The following RARRES1 variants were observed in gnomAD, a reference collection of about 807,000 sequenced individuals.
The protein encoded by RARRES1 is retinoic acid receptor responder protein 1.
Under a neutral mutation model 30.6 loss-of-function variants are expected in RARRES1, and 34 were observed. That is an observed-to-expected ratio of 1.11 (90% CI 0.84 to 1.48). RARRES1 has a LOEUF of 1.48. Ranked by LOEUF, RARRES1 falls within the 40% of genes most tolerant of loss-of-function variation. The probability of loss-of-function intolerance (pLI) is 0.00; values close to 1 mark genes in which losing one functional copy is unlikely to be tolerated. For missense variants in RARRES1, 373 were observed against 386.5 expected (o/e 0.97, Z 0.29); for synonymous variants, 153 against 155.5 (o/e 0.98, Z 0.12).
Position 158,715,622 on chromosome 3 carries a change from G to C in RARRES1, c.277-1763C>G, listed in dbSNP as rs138219959. On this transcript the variant is annotated intron_variant, in intron 1 of 5. Transcript: ENST00000237696. ...TGCCTGGGTCAGCATAAAATTCAAT[G>C]TCTGTTTACTATTTTTATTATTACT... is the stretch of plus-strand genomic sequence containing the variant. Among the ~76,000 whole-genome samples the C allele has an allele frequency of 4.9e-3, 744 of 152,266 alleles. 2 individuals carry two copies. Among genetic ancestry groups the C allele is most frequent in the Admixed American group, 0.01 (154 of 15,290 alleles).
rs537061597 is a variant in RARRES1, at chr3:158,696,989, C to A, written c.*689G>T. 1 of 152,334 alleles carries A rather than the reference C, an allele frequency of 6.6e-6. No homozygotes were observed. Among genetic ancestry groups the A allele is most frequent in the East Asian group, 1.9e-4 (1 of 5,182 alleles). The allele number at this position is 152,334 out of a possible 1,614,324, so 9.4% of individuals were successfully genotyped here. ...TTGCAGACAGCTTTATCTGGTGAGA[C>A]AGACGTTCTATTATTTGTAAAATTT... On this transcript the variant is annotated 3_prime_UTR_variant, in exon 6 of 6. Coordinates refer to ENST00000237696, the MANE Select transcript of RARRES1 (RefSeq NM_206963.2).
At chr3:158,728,536 G>GTTTTTTTTTTT (rs1553746148) in intron 1 of RARRES1, among the ~76,000 whole-genome samples, 2 of 141,716 alleles carry the variant, frequency 1.4e-5, no homozygotes, top group African/African-American at 2.7e-5. Context: ...TTTTTTTTTG[G>GTTTTTTTTTTT]TTTTTGAGAC....
intron 3 of RARRES1, among the ~76,000 whole-genome samples, chr3:158,707,030 G>C (rs988519688): frequency 6.6e-6 from 1 of 152,062 alleles, no homozygotes; most frequent in Non-Finnish European, 1.5e-5. Flanking sequence ...TTAGCTGGGT[G>C]TGGTGGCACA....
At chr3:158,701,127 C>T (rs1726708838) in intron 4 of RARRES1, among the ~76,000 whole-genome samples, 1 of 152,152 alleles carries the variant, frequency 6.6e-6, no homozygotes. Context: ...GTTTGGGGTG[C>T]TTACAAACCT....
chr3:158,702,571 T>TG (rs1726772808), intron 4 of RARRES1, among the ~76,000 whole-genome samples: 1 of 152,228 alleles, frequency 6.6e-6, no homozygotes. Context: ...GTTATCTCAA[T>TG]GTGTTGCTCT....
chr3:158,703,718 C>T (rs1726812256), intron 4 of RARRES1, among the ~76,000 whole-genome samples: 1 of 152,154 alleles, frequency 6.6e-6, no homozygotes, highest in Non-Finnish European at 1.5e-5. Flanking sequence ...CCAGCCAGTC[C>T]TCATCCTTGA....
rs574071151 is a variant in RARRES1 at position 158,729,493 on chromosome 3, CAGGCTGGAGTGCAG to C, written c.276+2633_276+2646del. Among the ~76,000 whole-genome samples, 33 of 152,048 alleles carry C rather than the reference CAGGCTGGAGTGCAG, an allele frequency of 2.2e-4. No individual in the cohort carries two copies. The South Asian group carries it at 6.9e-3, about 32-fold the overall frequency. On this transcript the variant is annotated intron_variant, in intron 1 of 5. Transcript: ENST00000237696. ...TGAGACGGAGTCTCGCTCTGTTGCC[CAGGCTGGAGTGCAG>C]TGGCACCATCTTGGCTCACTGCAAC...
intron 4 of RARRES1, among the ~76,000 whole-genome samples, chr3:158,702,479 C>T (rs759937303): frequency 6.6e-6 from 1 of 152,152 alleles, no homozygotes; most frequent in Non-Finnish European, 1.5e-5. Context: ...TATTTTTGTA[C>T]CCTAGTATGT....
intron 1 of RARRES1, among the ~76,000 whole-genome samples, chr3:158,720,233 G>GGTGT (rs781535998): frequency 0.019 from 2,630 of 139,286 alleles, 48 homozygotes; most frequent in African/African-American, 0.041. Flanking sequence ...GCTGGCTGCT[G>GGTGT]GTGTGTGTGT....
chr3:158,701,170 A>G (rs1726709903), intron 4 of RARRES1, among the ~76,000 whole-genome samples: 1 of 152,198 alleles, frequency 6.6e-6, no homozygotes, highest in South Asian at 2.1e-4. Flanking sequence ...AACAATACTC[A>G]GCTTGACGTT....
In RARRES1 at chr3:158,713,847, CTT is replaced by C; in HGVS notation, c.287_288del (p.Lys96ArgfsTer4). ...AAGACCACGTGAACTTTACATCCCT[CTT>C]TTGGATTAATCTGGAACACAGAAAC... ...VQEGRAWINP[K>X]EGCKVHVVFS... On this transcript the variant is annotated frameshift_variant, in exon 2 of 6. Transcript: ENST00000237696. LOFTEE classifies it high-confidence loss of function. The C allele has an allele frequency of 6.2e-7, 1 of 1,613,936 alleles. No homozygotes were observed. Among genetic ancestry groups the C allele is most frequent in the South Asian group, 1.1e-5 (1 of 91,084 alleles).
At chr3:158,718,007 C>G (rs1454090322) in intron 1 of RARRES1, among the ~76,000 whole-genome samples, 1 of 144,804 alleles carries the variant, frequency 6.9e-6, no homozygotes, top group Non-Finnish European at 1.5e-5. Context: ...GAGACAGAGT[C>G]TTGCTCTGTC....
intron 1 of RARRES1, among the ~76,000 whole-genome samples, chr3:158,718,872 C>CT (rs1285471385): frequency 2.0e-5 from 3 of 152,132 alleles, no homozygotes; most frequent in African/African-American, 7.2e-5. Flanking sequence ...AGTAAGTAGA[C>CT]TTTTTTGAAA....
intron 3 of RARRES1, among the ~76,000 whole-genome samples, chr3:158,708,380 G>GT (rs1360338553): frequency 6.6e-6 from 1 of 152,138 alleles, no homozygotes; most frequent in Admixed American, 6.5e-5. Context: ...ATTTGAAAGG[G>GT]TAAGTGCTGG....
At chr3:158,706,583 C>T (rs560765863) in intron 3 of RARRES1, among the ~76,000 whole-genome samples, 11 of 152,104 alleles carry the variant, frequency 7.2e-5, no homozygotes, top group Admixed American at 1.3e-4. Context: ...CTGCTGGGTG[C>T]GGTGGTCTCA....
At chr3:158,712,849 A>G (rs940232546) in intron 2 of RARRES1, among the ~76,000 whole-genome samples, 4 of 152,240 alleles carry the variant, frequency 2.6e-5, no homozygotes, top group Admixed American at 1.3e-4. Flanking sequence ...CCAGGGAAGC[A>G]TATTGTTGGT....
At chr3:158,728,210 TA>T (rs1553746094) in intron 1 of RARRES1, among the ~76,000 whole-genome samples, 220 of 144,830 alleles carry the variant, frequency 1.5e-3, no homozygotes, top group Middle Eastern at 3.5e-3. Context: ...CTATTTCGTT[TA>T]AAAAAAAAAA....
intron 1 of RARRES1, among the ~76,000 whole-genome samples, chr3:158,730,265 AGCCGAGATCGCAGCGCT>A (rs1727828053): frequency 1.3e-5 from 2 of 150,236 alleles, no homozygotes; most frequent in African/African-American, 4.9e-5. Context: ...GGTTGCAGTA[AGCCGAGATCGCAGCGCT>A]GCACTCCAGC....
At chr3:158,711,556 A>T (rs539956677) in intron 2 of RARRES1, among the ~76,000 whole-genome samples, 2 of 151,284 alleles carry the variant, frequency 1.3e-5, no homozygotes, top group Admixed American at 1.3e-4. Flanking sequence ...GATCATCCAC[A>T]TGGGATTCAT....
Sources: gnomAD v4.1 joint callset for allele counts (sites outside exome capture counted in the v4.1 genomes callset) on GRCh38, gnomAD v4.1.1 for gene constraint, MANE v1.5 for transcripts, NCBI Gene and HGNC (gene_info 2026-07-23, HGNC 2026-07-21) for gene names.